Variants in ZNF385D observed in about 807,000 individuals in gnomAD.
ZNF385D encodes zinc finger protein 385D.
A neutral mutation model predicts 35.8 loss-of-function variants in ZNF385D; 15 were observed. The ratio of observed to expected loss-of-function variants is 0.42; its 90% confidence interval spans 0.28 to 0.64. ZNF385D has a LOEUF of 0.64. Among genes scored for constraint, ZNF385D ranks in the 30% least tolerant of loss-of-function variants. The pLI is 0.23. For synonymous variants in ZNF385D, 212 were observed against 186.8 expected, an observed-to-expected ratio of 1.13 and a Z score of -1.10; for missense variants, 474 against 494.6, an observed-to-expected ratio of 0.96 and a Z score of 0.39.
At chr3:21,467,598 C>A (rs1703601167) in intron 4 of ZNF385D, among the ~76,000 whole-genome samples, 1 of 152,188 alleles carries the variant, frequency 6.6e-6, no homozygotes, top group Non-Finnish European at 1.5e-5. Context: ...TTTGTCCTGG[C>A]CTTAGATGCC....
chr3:22,171,387 GATTT>G (rs1694413452), intron 2 of ZNF385D, among the ~76,000 whole-genome samples: 2 of 152,114 alleles, frequency 1.3e-5, no homozygotes, highest in African/African-American at 2.4e-5. Flanking sequence ...AAGCCTCTGA[GATTT>G]ATTTGCTTAC....
intron 4 of ZNF385D, among the ~76,000 whole-genome samples, chr3:21,463,636 A>G (rs1332292755): frequency 2.0e-5 from 3 of 152,134 alleles, no homozygotes; most frequent in Non-Finnish European, 4.4e-5. Context: ...CCAAGGCTCC[A>G]AGGGGCTAGT....
chr3:22,255,053 T>C (rs910642476), intron 2 of ZNF385D, among the ~76,000 whole-genome samples: 4 of 151,900 alleles, frequency 2.6e-5, no homozygotes, highest in African/African-American at 9.7e-5. Flanking sequence ...ATCTATGTAT[T>C]ATTCATTTCT....
intron 3 of ZNF385D, among the ~76,000 whole-genome samples, chr3:22,152,654 T>C (rs1194351122): frequency 1.3e-5 from 2 of 152,140 alleles, no homozygotes; most frequent in African/African-American, 4.8e-5. Flanking sequence ...CCTTCCTATC[T>C]TCCTCATAAA....
intron 3 of ZNF385D, among the ~76,000 whole-genome samples, chr3:22,006,529 GA>G (rs1270862440): frequency 1.3e-5 from 2 of 151,750 alleles, no homozygotes; most frequent in African/African-American, 4.8e-5. Flanking sequence ...AATAAATGAA[GA>G]ACAGGAAAAG....
At chr3:21,973,353 G>A (rs191511797) in intron 3 of ZNF385D, among the ~76,000 whole-genome samples, 1 of 151,862 alleles carries the variant, frequency 6.6e-6, no homozygotes, top group Admixed American at 6.6e-5. Context: ...AAAAGCATTT[G>A]CTACATTTTA....
At chr3:22,082,486 G>C (rs1395182585) in intron 3 of ZNF385D, among the ~76,000 whole-genome samples, 1 of 152,174 alleles carries the variant, frequency 6.6e-6, no homozygotes, top group African/African-American at 2.4e-5. Context: ...CAAGGCGGCA[G>C]CCTATCTGGG....
At chr3:21,868,911 C>T (rs766077385) in intron 3 of ZNF385D, among the ~76,000 whole-genome samples, 111 of 151,988 alleles carry the variant, frequency 7.3e-4, no homozygotes, top group Non-Finnish European at 1.2e-3. Context: ...GAATTAGACC[C>T]TATTTTCAGA....
intron 2 of ZNF385D, among the ~76,000 whole-genome samples, chr3:22,355,407 G>A (rs1696105531): frequency 6.6e-6 from 1 of 151,820 alleles, no homozygotes; most frequent in African/African-American, 2.4e-5. Context: ...ATAGTTACTT[G>A]TTATGTATTT....
chr3:22,305,990 T>C (rs766507103), intron 2 of ZNF385D, among the ~76,000 whole-genome samples: 7 of 152,168 alleles, frequency 4.6e-5, no homozygotes, highest in Non-Finnish European at 8.8e-5. Flanking sequence ...GGTTTTCCTA[T>C]CACTCCTTTT....
chr3:22,076,332 T>A (rs1211731955), intron 3 of ZNF385D, among the ~76,000 whole-genome samples: 1 of 151,956 alleles, frequency 6.6e-6, no homozygotes, highest in Admixed American at 6.6e-5. Flanking sequence ...CTTGGTCACT[T>A]CGGTCCAGTC....
chr3:21,937,639 C>T (rs1399117022), intron 3 of ZNF385D, among the ~76,000 whole-genome samples: 1 of 151,718 alleles, frequency 6.6e-6, no homozygotes, highest in East Asian at 1.9e-4. Context: ...AAAACCTGTA[C>T]ATTATAAAAA....
intron 3 of ZNF385D, among the ~76,000 whole-genome samples, chr3:21,774,780 C>T (rs748222665): frequency 3.3e-5 from 5 of 151,794 alleles, no homozygotes; most frequent in African/African-American, 4.8e-5. Flanking sequence ...GAAATGGGTA[C>T]TTAGAGAACT....
chr3:21,978,116 G>C (rs985488218), intron 3 of ZNF385D: 2 of 140,620 alleles, frequency 1.4e-5, no homozygotes, highest in Admixed American at 1.4e-4. Context: ...CTTTTACCCT[G>C]TTCTGTTTTG....
intron 2 of ZNF385D, among the ~76,000 whole-genome samples, chr3:22,341,922 T>A (rs1695437111): frequency 6.6e-6 from 1 of 152,196 alleles, no homozygotes. Context: ...TGGTAATATC[T>A]CTGGCTTTCA....
chr3:22,100,672 T>G (rs893527073), intron 3 of ZNF385D, among the ~76,000 whole-genome samples: 1 of 99,586 alleles, frequency 1.0e-5, no homozygotes, highest in Admixed American at 1.5e-4. Flanking sequence ...CATCACACTC[T>G]GGGAATGTTG....
chr3:22,114,933 A>G (rs1702732218), intron 3 of ZNF385D, among the ~76,000 whole-genome samples: 1 of 152,060 alleles, frequency 6.6e-6, no homozygotes, highest in Admixed American at 6.6e-5. Flanking sequence ...AAGCACAGCA[A>G]GAAGGGCCTC....
At chr3:21,962,099 T>C (rs952334308) in intron 3 of ZNF385D, among the ~76,000 whole-genome samples, 1 of 152,012 alleles carries the variant, frequency 6.6e-6, no homozygotes, top group Non-Finnish European at 1.5e-5. Flanking sequence ...GTCCATCTCA[T>C]TAAAGTGCAG....
chr3:21,549,591 C>T (rs974014972), intron 3 of ZNF385D, among the ~76,000 whole-genome samples: 7 of 152,246 alleles, frequency 4.6e-5, no homozygotes, highest in Non-Finnish European at 8.8e-5. Context: ...TCACCACACT[C>T]TCCAGAGCCA....
Sources: allele counts gnomAD v4.1 joint callset (sites outside exome capture counted in the v4.1 genomes callset), GRCh38; gene constraint gnomAD v4.1.1; transcripts MANE v1.5; gene names NCBI Gene and HGNC (gene_info 2026-07-23, HGNC 2026-07-21).